Variants in PITRM1 observed in about 807,000 individuals in gnomAD.
PITRM1 encodes pitrilysin metallopeptidase 1.
In PITRM1, 100 loss-of-function variants were observed where a neutral mutation model predicts 129.9. That is an observed-to-expected ratio of 0.77 (90% CI 0.65 to 0.91). The LOEUF is 0.91. PITRM1 is among the 40% of genes least tolerant of loss of function. The pLI is 0.00. For missense variants in PITRM1, 1,471 were observed against 1,318.3 expected (o/e 1.12, Z -1.79); for synonymous variants, 591 against 508.8 (o/e 1.16, Z -2.17).
intron 1 of PITRM1, chr10:3,172,354 G>C: frequency 2.0e-6 from 1 of 489,258 alleles, no homozygotes; most frequent in Non-Finnish European, 3.8e-6. Flanking sequence ...GTCTCTTAAG[G>C]ACTCGGCCTC....
intron 23 of PITRM1, among the ~76,000 whole-genome samples, chr10:3,142,781 T>C (rs1335486578): frequency 1.3e-5 from 2 of 152,186 alleles, no homozygotes; most frequent in Non-Finnish European, 2.9e-5. Flanking sequence ...GACAAACTCC[T>C]TAGAGGGACT....
At chr10:3,141,054 AC>A (rs1840141115) in intron 23 of PITRM1, among the ~76,000 whole-genome samples, 1 of 152,052 alleles carries the variant, frequency 6.6e-6, no homozygotes, top group African/African-American at 2.4e-5. Context: ...GGATCCTCCC[AC>A]AACAGCCTCC....
Position 3,166,955 on chromosome 10 carries a change from C to A in PITRM1, c.247G>T (p.Asp83Tyr), listed in dbSNP as rs1842917051. 6.2e-7 allele frequency: 1 copy of A among 1,605,256 alleles called. No individual in the cohort carries two copies. Among genetic ancestry groups the A allele is most frequent in the Non-Finnish European group, 8.5e-7 (1 of 1,173,262 alleles). The stretch of plus-strand genomic sequence containing the variant: ...ACACACCTGAACAGATTATTCGTGT[C>A]TTCTCTGGCCAGGTGTAAATACCTG... ...GARYLHLARE[D>Y]TNNLFSVQFR... Residue 83 changes from aspartate to tyrosine, a missense_variant, in exon 3 of 27, where the codon GAC (aspartate) becomes TAC (tyrosine). Transcript: ENST00000224949.
chr10:3,169,036 G>A (rs1487312456), intron 2 of PITRM1, among the ~76,000 whole-genome samples: 1 of 152,088 alleles, frequency 6.6e-6, no homozygotes, highest in Non-Finnish European at 1.5e-5. Flanking sequence ...AGGAGTTCGA[G>A]GCTGCAGTGA....
intron 16 of PITRM1, chr10:3,148,921 T>C (rs1588660199): frequency 6.6e-6 from 1 of 152,314 alleles, no homozygotes; most frequent in African/African-American, 2.4e-5. Context: ...CCTGAAGACA[T>C]TTTTCCATCT....
chr10:3,149,894 T>C, intron 15 of PITRM1, 141 bp from the exon 16 acceptor site: 1 of 882,920 alleles, frequency 1.1e-6, no homozygotes. Context: ...AATTTCCCAA[T>C]CATATTTTCA....
At chr10:3,140,952 G>T in intron 23 of PITRM1, 140 bp from the exon 24 acceptor site, 5 of 779,020 alleles carry the variant, frequency 6.4e-6, no homozygotes, top group South Asian at 5.3e-5. Flanking sequence ...TTTTGGTCTT[G>T]TTTTTTAAGA....
chr10:3,168,395 A>G (rs925655372), intron 2 of PITRM1, among the ~76,000 whole-genome samples: 1 of 152,172 alleles, frequency 6.6e-6, no homozygotes, highest in African/African-American at 2.4e-5. Flanking sequence ...CTATTTCTCA[A>G]ACAAGAATCA....
In PITRM1 at chr10:3,160,297, C is replaced by A. The variant is rs1438534575; in HGVS notation, c.825G>T (p.Gln275His). Reference protein sequence around the residue: ...FFTYGNFPLEQHLKQIHEEAL... With the variant: ...FFTYGNFPLEHHLKQIHEEAL... ...CTTCCTCGTGAATTTGTTTCAGATG[C>A]TGTTCTAATGGAAAATTACCGTACG... The change falls in exon 8 of 27, where the codon CAG becomes CAT. Residue 275 changes from glutamine (Q) to histidine (H), a missense_variant. Transcript: ENST00000224949. 3 of 1,612,782 alleles carry A rather than the reference C, an allele frequency of 1.9e-6. No homozygotes were observed. Among genetic ancestry groups the A allele is most frequent in the Middle Eastern group, 1.7e-4 (1 of 6,058 alleles).
At position 3,158,200 on chromosome 10, in the gene PITRM1, A is replaced by C. The variant is rs777070164; in HGVS notation, c.1137-47T>G. The C allele has an allele frequency of 1.0e-5, 11 of 1,051,228 alleles. No homozygotes were observed. In the East Asian group the frequency reaches 2.1e-4, roughly 20 times the overall value. 65.1% of individuals were successfully genotyped at this position (1,051,228 alleles called of 1,614,324 possible). A position where few individuals can be genotyped will look rare whatever the true frequency, so the allele number is the denominator to read the frequency against. Reference sequence around the variant, plus strand: ...GATGCACTGGAATCCGGGCACGTTCATCATGCCCTCGTAATATGCTTGATT... The same window carrying C: ...GATGCACTGGAATCCGGGCACGTTCCTCATGCCCTCGTAATATGCTTGATT... On this transcript the variant is annotated intron_variant, in intron 10 of 26. Transcript: ENST00000224949.
chr10:3,172,000 G>C (rs969967816), intron 1 of PITRM1, among the ~76,000 whole-genome samples: 1 of 152,224 alleles, frequency 6.6e-6, no homozygotes, highest in Non-Finnish European at 1.5e-5. Context: ...ATATTATGAA[G>C]ATATGCTATA....
At chr10:3,160,663 G>C (rs148745508) in intron 7 of PITRM1, among the ~76,000 whole-genome samples, 1 of 152,282 alleles carries the variant, frequency 6.6e-6, no homozygotes, top group African/African-American at 2.4e-5. Flanking sequence ...GAGTGCAGTG[G>C]CACCGTCACA....
At chr10:3,143,968 G>T in intron 22 of PITRM1, 1 of 527,966 alleles carries the variant, frequency 1.9e-6, no homozygotes. Flanking sequence ...CTCAGCTCGG[G>T]AGCTACGTTC....
chr10:3,140,838 A>C lies in PITRM1; in HGVS notation c.2646-26T>G, dbSNP rs551072068. On this transcript the variant is annotated intron_variant, in intron 23 of 26. Transcript: ENST00000224949. ...CTGAAATGATTAAAAAATGCAAGTTAATACCGTGGCTGATAAAAAAGCATA... is the reference window on the plus strand; with the variant it reads ...CTGAAATGATTAAAAAATGCAAGTTCATACCGTGGCTGATAAAAAAGCATA... The C allele has an allele frequency of 1.8e-5, 28 of 1,543,756 alleles. No individual in the cohort carries two copies. In the African/African-American group the frequency reaches 3.5e-4, roughly 20 times the overall value.
Position 3,143,531 on chromosome 10 carries a change from T to C in PITRM1, c.2533-30A>G, listed in dbSNP as rs778588781. ...GGGACACGGTATGGTCAGAGGCGGC[T>C]GTGCTGCCATGCACCGCCCACGGCA... On this transcript the variant is annotated intron_variant, in intron 22 of 26. Coordinates refer to ENST00000224949, the MANE Select transcript of PITRM1 (RefSeq NM_014889.4). The C allele has an allele frequency of 2.7e-6, 4 of 1,464,644 alleles. No homozygotes were observed. The South Asian group carries it at 4.5e-5, about 17-fold the overall frequency. The allele number at this position is 1,464,644 out of a possible 1,614,324, so 90.7% of individuals were successfully genotyped here.
At chr10:3,170,919 C>T (rs550924545) in intron 1 of PITRM1, among the ~76,000 whole-genome samples, 2 of 151,810 alleles carry the variant, frequency 1.3e-5, no homozygotes, top group East Asian at 1.9e-4. Flanking sequence ...GCCGAGATCA[C>T]GCCACTGCAC....
chr10:3,153,847 T>C (rs1488460386), intron 14 of PITRM1, among the ~76,000 whole-genome samples: 5 of 152,252 alleles, frequency 3.3e-5, no homozygotes, highest in Non-Finnish European at 7.3e-5. Flanking sequence ...TTAGCTTTTT[T>C]AATAGGAAAA....
intron 11 of PITRM1, 42 bp downstream of exon 11, chr10:3,157,998 A>G: frequency 1.6e-6 from 2 of 1,221,150 alleles, no homozygotes; most frequent in South Asian, 1.2e-5. Context: ...GCACACAGGA[A>G]TGAGGAACGA....
intron 8 of PITRM1, 65 bp downstream of exon 8, chr10:3,160,139 A>T: frequency 2.6e-6 from 4 of 1,543,854 alleles, no homozygotes; most frequent in Non-Finnish European, 3.6e-6. Flanking sequence ...CATCATCAAT[A>T]CCCAGTCCAA....
Sources: gnomAD v4.1 joint callset for allele counts (sites outside exome capture counted in the v4.1 genomes callset) on GRCh38, gnomAD v4.1.1 for gene constraint, MANE v1.5 for transcripts, NCBI Gene and HGNC (gene_info 2026-07-23, HGNC 2026-07-21) for gene names.